Variants in COX20 observed in about 807,000 individuals in gnomAD.
The protein encoded by COX20 is cytochrome c oxidase assembly protein COX20, mitochondrial.
A neutral mutation model predicts 14.3 loss-of-function variants in COX20; 14 were observed. The ratio of observed to expected loss-of-function variants is 0.98; its 90% CI spans 0.65 to 1.53. COX20 has a LOEUF of 1.53. Ranked by LOEUF, COX20 falls within the 40% of genes most tolerant of loss-of-function variation. The pLI is 0.00. For missense variants in COX20, 149 were observed against 142.1 expected (o/e 1.05, Z -0.25); for synonymous variants, 56 against 51.7 (o/e 1.08, Z -0.36).
chr1:244,836,346 TC>T, intron 1 of COX20: 2 of 690,574 alleles, frequency 2.9e-6, no homozygotes, highest in East Asian at 5.4e-5. Flanking sequence ...CTGCCTAACA[TC>T]CAGTCGTAGC....
chr1:244,836,630 G>GA, intron 1 of COX20: 2 of 984,270 alleles, frequency 2.0e-6, no homozygotes, highest in South Asian at 1.5e-5. Flanking sequence ...AATGCAAGAG[G>GA]AAAAAAGTTT....
At chr1:244,836,583 T>C (rs1679993746) in intron 1 of COX20, 3 of 1,403,520 alleles carry the variant, frequency 2.1e-6, no homozygotes, top group Middle Eastern at 1.8e-4. Flanking sequence ...GAACCTAATT[T>C]ATATCCTCAG....
chr1:244,840,155 T>A (rs1042218962), intron 1 of COX20: 1 of 152,168 alleles, frequency 6.6e-6, no homozygotes, highest in African/African-American at 2.4e-5. Flanking sequence ...TACTTTTATT[T>A]AAAAAAATAA....
rs1007644365 is a variant in COX20, at chr1:244,844,165, G to T, written c.*989G>T. 1 of 152,184 alleles carries T rather than the reference G, an allele frequency of 6.6e-6. No homozygotes were observed. Among genetic ancestry groups the T allele is most frequent in the African/African-American group, 2.4e-5 (1 of 41,454 alleles). 9.4% of individuals were successfully genotyped at this position (152,184 alleles called of 1,614,324 possible). On this transcript the variant is annotated 3_prime_UTR_variant, in exon 4 of 4. Transcript: ENST00000411948. Reference sequence around the variant, plus strand: ...GAAGGCACAGAAATCGAGCAAGGAAGAAAATATTAGTTATTTTGATCTACA... The same window carrying T: ...GAAGGCACAGAAATCGAGCAAGGAATAAAATATTAGTTATTTTGATCTACA...
rs866729590 is a variant in COX20, at chr1:244,835,867, G to T, written c.42+111G>T. 66 of 739,906 alleles carry T rather than the reference G, an allele frequency of 8.9e-5. No individual in the cohort carries two copies. The South Asian group carries it at 1.7e-3, about 19-fold the overall frequency. The allele number at this position is 739,906 out of a possible 1,614,324, so 45.8% of individuals were successfully genotyped here. ...GTCACTGGCTTCTCTGCCACCCATGGGCTTGAAACTATTTTAACTGTTCCT... is the reference window on the plus strand; with the variant it reads ...GTCACTGGCTTCTCTGCCACCCATGTGCTTGAAACTATTTTAACTGTTCCT... On this transcript the variant is annotated intron_variant, in intron 1 of 3. Transcript: ENST00000411948.
chr1:244,835,735 C>T lies in COX20; in HGVS notation c.21C>T (p.Pro7=). Residue 7 remains proline, a synonymous_variant, in exon 1 of 4, where the codon CCC becomes CCT. Transcript: ENST00000411948. MAAPPE[P]GEPEERKSLK... Reference sequence around the variant, plus strand: ...TCCTCATGGCCGCCCCGCCGGAGCCCGGTGAGCCCGAGGAGAGGAAGGTAA... The same window carrying T: ...TCCTCATGGCCGCCCCGCCGGAGCCTGGTGAGCCCGAGGAGAGGAAGGTAA... 4 of 1,260,888 alleles carry T rather than the reference C, an allele frequency of 3.2e-6. No homozygotes were observed. Among genetic ancestry groups the T allele is most frequent in the South Asian group, 2.8e-5 (1 of 35,224 alleles). 78.1% of individuals were successfully genotyped at this position (1,260,888 alleles called of 1,614,324 possible). A position where few individuals can be genotyped will look rare whatever the true frequency, so the allele number is the denominator to read the frequency against.
In COX20 at chr1:244,842,006, G is replaced by T; in HGVS notation, c.105G>T (p.Leu35Phe). ...ENTPCARHSI[L>F]YGSLGSVVAG... ...CTCCCTGCGCCCGGCATTCAATATT[G>T]TATGGTTCATTAGGATCTGTTGTGG... Residue 35 changes from leucine to phenylalanine, a missense_variant, in exon 2 of 4, where the codon TTG becomes TTT. Physicochemically the swap from Leu to Phe is conservative, Grantham distance 22. Transcript: ENST00000411948. 1 of 1,612,204 alleles carries T rather than the reference G, an allele frequency of 6.2e-7. No individual in the cohort carries two copies. The highest frequency in any genetic ancestry group is 2.2e-5 in the East Asian group (1 of 44,848).
rs141561272 is a variant in COX20 at position 244,843,158 on chromosome 1, C to T, written c.339C>T (p.Asn113=). The part of the protein sequence containing the change: ...GTHLDPERKH[N]GSSSN Reference sequence around the variant, plus strand: ...ACCTCGATCCTGAAAGAAAACACAACGGCAGCAGCAGCAATTGAACAATCT... The same window carrying T: ...ACCTCGATCCTGAAAGAAAACACAATGGCAGCAGCAGCAATTGAACAATCT... Residue 113 remains asparagine (N), a synonymous_variant, in exon 4 of 4, where the codon AAC becomes AAT. Coordinates refer to ENST00000411948, the MANE Select transcript of COX20 (RefSeq NM_198076.6). 4.3e-5 allele frequency: 68 copies of T among 1,588,864 alleles called. No individual in the cohort carries two copies. The highest frequency in any genetic ancestry group is 5.0e-5 in the Non-Finnish European group (59 of 1,172,838).
rs1680331536 is a variant in COX20, at chr1:244,844,171, ATTAG to A, written c.*999_*1002del. 2.6e-5 allele frequency: 4 copies of A among 152,196 alleles called. No homozygotes were observed. Among genetic ancestry groups the A allele is most frequent in the South Asian group, 4.1e-4 (2 of 4,836 alleles). The allele number at this position is 152,196 out of a possible 1,614,324, so 9.4% of individuals were successfully genotyped here. On this transcript the variant is annotated 3_prime_UTR_variant, in exon 4 of 4. Coordinates refer to ENST00000411948, the MANE Select transcript of COX20 (RefSeq NM_198076.6). ...ACAGAAATCGAGCAAGGAAGAAAAT[ATTAG>A]TTATTTTGATCTACATCTTTTTCTA...
At position 244,838,834 on chromosome 1, in the gene COX20, C is replaced by T. The variant is rs533431895; in HGVS notation, c.42+3078C>T. Among the ~76,000 whole-genome samples, 5 of 152,098 alleles carry T rather than the reference C, an allele frequency of 3.3e-5. No homozygotes were observed. The South Asian group carries it at 1.0e-3, about 32-fold the overall frequency. On this transcript the variant is annotated intron_variant, in intron 1 of 3. Transcript: ENST00000411948. ...AGATGGAGTCTTCTTGCTCTGTTGC[C>T]CAGGCTGGAGTGCAGTGGTGCCATC...
In COX20 at chr1:244,835,817, C is replaced by T. The variant is rs1035513661; in HGVS notation, c.42+61C>T. 4.2e-6 allele frequency: 5 copies of T among 1,184,580 alleles called. No homozygotes were observed. In the African/African-American group the frequency reaches 7.9e-5, roughly 19 times the overall value. 73.4% of individuals were successfully genotyped at this position (1,184,580 alleles called of 1,614,324 possible). On this transcript the variant is annotated intron_variant, in intron 1 of 3. Coordinates refer to ENST00000411948, the MANE Select transcript of COX20 (RefSeq NM_198076.6). The stretch of plus-strand genomic sequence containing the variant: ...GGGCGGTGGGTAAGGACGTTCTCCG[C>T]GGAGCTCCTAGGCCCGGAGCACGTG...
Position 244,842,476 on chromosome 1 carries a change from C to G in COX20, c.221+218C>G. Reference sequence around the variant, plus strand: ...AAAGAAAGCTGTGGTTTTTACACTTCACTTAGGAAAGCCTCAACCATTTCC... The same window carrying G: ...AAAGAAAGCTGTGGTTTTTACACTTGACTTAGGAAAGCCTCAACCATTTCC... On this transcript the variant is annotated intron_variant, in intron 3 of 3. Transcript: ENST00000411948. 9 of 517,836 alleles carry G rather than the reference C, an allele frequency of 1.7e-5. No homozygotes were observed. In the South Asian group the frequency reaches 2.2e-4, roughly 13 times the overall value. The allele number at this position is 517,836 out of a possible 1,614,324, so 32.1% of individuals were successfully genotyped here.
chr1:244,835,756 G>A lies in COX20; in HGVS notation c.42G>A (p.Lys14=). ...AGCCCGGTGAGCCCGAGGAGAGGAA[G>A]GTAACCTGGGGGTCGGCGGGGCGCG... ...PPEPGEPEER[K]SLKLLGFLDV... The change falls in exon 1 of 4, where the codon AAG becomes AAA. Residue 14 remains lysine (K), a splice_region_variant and synonymous_variant. Transcript: ENST00000411948. 2 of 1,263,264 alleles carry A rather than the reference G, an allele frequency of 1.6e-6. No individual in the cohort carries two copies. The highest frequency in any genetic ancestry group is 2.0e-6 in the Non-Finnish European group (2 of 1,001,930). 78.3% of individuals were successfully genotyped at this position (1,263,264 alleles called of 1,614,324 possible). A position where few individuals can be genotyped will look rare whatever the true frequency, so the allele number is the denominator to read the frequency against.
In COX20 at chr1:244,835,725, C is replaced by T. The variant is rs1382806524; in HGVS notation, c.11C>T (p.Pro4Leu). Reference protein sequence around the residue: MAAPPEPGEPEERK... With the variant: MAALPEPGEPEERK... ...CGCGGAGTAGTCCTCATGGCCGCCC[C>T]GCCGGAGCCCGGTGAGCCCGAGGAG... Residue 4 changes from proline (P) to leucine (L), a missense_variant, in exon 1 of 4, where the codon CCG becomes CTG. Coordinates refer to ENST00000411948, the MANE Select transcript of COX20 (RefSeq NM_198076.6). 3.2e-6 allele frequency: 4 copies of T among 1,267,488 alleles called. No individual in the cohort carries two copies. The highest frequency in any genetic ancestry group is 2.7e-4 in the Middle Eastern group (1 of 3,694). The allele number at this position is 1,267,488 out of a possible 1,614,324, so 78.5% of individuals were successfully genotyped here. A position where few individuals can be genotyped will look rare whatever the true frequency, so the allele number is the denominator to read the frequency against.
intron 3 of COX20, 94 bp from the exon 4 acceptor site, chr1:244,842,947 C>A: frequency 1.0e-6 from 1 of 958,940 alleles, no homozygotes; most frequent in Non-Finnish European, 1.5e-6. Flanking sequence ...TAGTAGTCAT[C>A]TGTATTTAAG....
rs1034995355 is a variant in COX20, at chr1:244,835,728, C to T, written c.14C>T (p.Pro5Leu). Residue 5 changes from proline (P) to leucine (L), a missense_variant, in exon 1 of 4, where the codon CCG becomes CTG. Coordinates refer to ENST00000411948, the MANE Select transcript of COX20 (RefSeq NM_198076.6). MAAP[P>L]EPGEPEERKS... The stretch of plus-strand genomic sequence containing the variant: ...GGAGTAGTCCTCATGGCCGCCCCGC[C>T]GGAGCCCGGTGAGCCCGAGGAGAGG... 11 of 1,264,360 alleles carry T rather than the reference C, an allele frequency of 8.7e-6. No individual in the cohort carries two copies. The highest frequency in any genetic ancestry group is 2.9e-5 in the South Asian group (1 of 34,526). The allele number at this position is 1,264,360 out of a possible 1,614,324, so 78.3% of individuals were successfully genotyped here.
At position 244,843,005 on chromosome 1, in the gene COX20, T is replaced by C. The variant is rs78677269; in HGVS notation, c.222-36T>C. 7.2e-4 allele frequency: 1,027 copies of C among 1,427,564 alleles called. 12 individuals are homozygous for C. The African/African-American group carries it at 0.014, about 20-fold the overall frequency. 88.4% of individuals were successfully genotyped at this position (1,427,564 alleles called of 1,614,324 possible). A position where few individuals can be genotyped will look rare whatever the true frequency, so the allele number is the denominator to read the frequency against. ...TCATAAATTAATTTCTGTAGGACTT[T>C]ATATTAACAATTTATTCATATTCTT... On this transcript the variant is annotated intron_variant, in intron 3 of 3. Transcript: ENST00000411948.
At chr1:244,835,322 G>C (rs1222209516), upstream of COX20, 4 of 172,318 alleles carry the variant, frequency 2.3e-5, no homozygotes, top group Non-Finnish European at 3.7e-5. Flanking sequence ...GTGAGCACGC[G>C]CGCCGGAGAC....
rs1231122892 is a variant in COX20, at chr1:244,844,002, A to G, written c.*826A>G. The G allele has an allele frequency of 2.0e-5, 3 of 152,232 alleles. No homozygotes were observed. Among genetic ancestry groups the G allele is most frequent in the Non-Finnish European group, 4.4e-5 (3 of 68,042 alleles). The allele number at this position is 152,232 out of a possible 1,614,324, so 9.4% of individuals were successfully genotyped here. ...GTTATTTCTGGTTTTAATTCATACA[A>G]TACTTTAAGAAAATCTGTTAAATAT... On this transcript the variant is annotated 3_prime_UTR_variant, in exon 4 of 4. Coordinates refer to ENST00000411948, the MANE Select transcript of COX20 (RefSeq NM_198076.6).
Sources: gnomAD v4.1 joint callset for allele counts (sites outside exome capture counted in the v4.1 genomes callset) on GRCh38, gnomAD v4.1.1 for gene constraint, MANE v1.5 for transcripts, NCBI Gene and HGNC (gene_info 2026-07-23, HGNC 2026-07-21) for gene names.